The following RSPRY1 variants were observed in gnomAD, a reference collection of about 807,000 sequenced individuals.
RSPRY1 encodes the protein ring finger and SPRY domain containing 1, also known as RING finger and SPRY domain-containing protein 1.
A neutral mutation model predicts 73.1 loss-of-function variants in RSPRY1; 23 were observed. The ratio of observed to expected loss-of-function variants is 0.31; its 90% CI spans 0.23 to 0.45. The LOEUF is 0.45. Ranked by LOEUF, RSPRY1 falls within the 20% of genes least tolerant of loss-of-function variation. The pLI is 1.00. For missense variants in RSPRY1, 448 were observed against 698.7 expected, an observed-to-expected ratio of 0.64 and a Z score of 4.05; for synonymous variants, 226 against 251.4, an observed-to-expected ratio of 0.90 and a Z score of 0.95.
At position 57,204,680 on chromosome 16, in the gene RSPRY1, G is replaced by T. The variant is rs774739184; in HGVS notation, c.22G>T (p.Val8Leu). 5.6e-6 allele frequency: 9 copies of T among 1,614,062 alleles called. No individual in the cohort carries two copies. The highest frequency in any genetic ancestry group is 1.1e-5 in the South Asian group (1 of 91,078). The stretch of plus-strand genomic sequence containing the variant: ...CTAAATGATCGTCTTTGGTTGGGCC[G>T]TGTTCTTAGCGAGCAGAAGCCTTGG... MIVFGWAVFLASRSLGQG... is the reference protein window; with the variant it reads MIVFGWALFLASRSLGQG... Residue 8 changes from valine (V) to leucine (L), a missense_variant, in exon 2 of 15, where the codon GTG becomes TTG. Coordinates refer to ENST00000394420, the MANE Select transcript of RSPRY1 (RefSeq NM_133368.3).
chr16:57,227,276 C>T, intron 10 of RSPRY1, 66 bp from the exon 11 acceptor site: 1 of 1,057,766 alleles, frequency 9.5e-7, no homozygotes, highest in Non-Finnish European at 1.5e-6. Context: ...TCGTAAAAGA[C>T]ACACTCTCTG....
At chr16:57,192,136 T>C (rs2074361515) in intron 1 of RSPRY1, among the ~76,000 whole-genome samples, 1 of 152,202 alleles carries the variant, frequency 6.6e-6, no homozygotes, top group African/African-American at 2.4e-5. Context: ...CTAATAAGTA[T>C]CCAAATGAGT....
Position 57,227,416 on chromosome 16 carries a change from C to T in RSPRY1, c.1236C>T (p.Ala412=). 6.2e-7 allele frequency: 1 copy of T among 1,614,040 alleles called. No individual in the cohort carries two copies. The highest frequency in any genetic ancestry group is 8.5e-7 in the Non-Finnish European group (1 of 1,179,912). Reference sequence around the variant, plus strand: ...GCCGGCAGCTGATTTGGTACAATGCCAGAAGTAAGCCTCACATACACCCAT... The same window carrying T: ...GCCGGCAGCTGATTTGGTACAATGCTAGAAGTAAGCCTCACATACACCCAT... ...DGCRQLIWYN[A]RSKPHIHPCW... Residue 412 remains alanine, a synonymous_variant, in exon 11 of 15, where the codon GCC becomes GCT. Transcript: ENST00000394420.
intron 13 of RSPRY1, among the ~76,000 whole-genome samples, chr16:57,234,767 C>G (rs1005651270): frequency 5.3e-5 from 8 of 152,180 alleles, no homozygotes; most frequent in African/African-American, 1.9e-4. Flanking sequence ...GAGAAAGCCT[C>G]TATGCTTGTG....
At position 57,186,333 on chromosome 16, in the gene RSPRY1, G is replaced by A; in HGVS notation, c.-274G>A. The A allele has an allele frequency of 4.9e-6, 1 of 204,584 alleles. No individual in the cohort carries two copies. Among genetic ancestry groups the A allele is most frequent in the Non-Finnish European group, 8.7e-6 (1 of 115,060 alleles). 12.7% of individuals were successfully genotyped at this position (204,584 alleles called of 1,614,324 possible). A position where few individuals can be genotyped will look rare whatever the true frequency, so the allele number is the denominator to read the frequency against. On this transcript the variant is annotated 5_prime_UTR_variant, in exon 1 of 15. Transcript: ENST00000394420. Reference sequence around the variant, plus strand: ...GCGGTACGAAGCGGGGGTGGGCTCTGCGCGTAATGGCAGCGCCGTGGCCTC... The same window carrying A: ...GCGGTACGAAGCGGGGGTGGGCTCTACGCGTAATGGCAGCGCCGTGGCCTC...
chr16:57,202,709 C>T (rs1257652590), intron 1 of RSPRY1, among the ~76,000 whole-genome samples: 1 of 152,098 alleles, frequency 6.6e-6, no homozygotes, highest in African/African-American at 2.4e-5. Context: ...GAACCAAGAA[C>T]ATCTGTGGTA....
rs1354154134 is a variant in RSPRY1 at position 57,240,370 on chromosome 16, A to G, written c.*1395A>G. The G allele has an allele frequency of 6.6e-6, 1 of 151,188 alleles. No individual in the cohort carries two copies. Among genetic ancestry groups the G allele is most frequent in the Non-Finnish European group, 1.5e-5 (1 of 67,826 alleles). The allele number at this position is 151,188 out of a possible 1,614,324, so 9.4% of individuals were successfully genotyped here. ...ACACACACACACACAAAAAATATATATATATATAAATATATATGTAGGATA... is the reference window on the plus strand; with the variant it reads ...ACACACACACACACAAAAAATATATGTATATATAAATATATATGTAGGATA... On this transcript the variant is annotated 3_prime_UTR_variant, in exon 15 of 15. Transcript: ENST00000394420.
chr16:57,208,755 T>G (rs2074778912), intron 3 of RSPRY1, among the ~76,000 whole-genome samples: 1 of 152,174 alleles, frequency 6.6e-6, no homozygotes, highest in African/African-American at 2.4e-5. Flanking sequence ...CAAAGCCAAC[T>G]GCTGAGTATA....
intron 10 of RSPRY1, among the ~76,000 whole-genome samples, chr16:57,222,240 A>G (rs1260329574): frequency 6.6e-6 from 1 of 152,140 alleles, no homozygotes; most frequent in Non-Finnish European, 1.5e-5. Context: ...TGCCGGCCAT[A>G]AGTATGGTGA....
chr16:57,208,639 A>G (rs191609629), intron 3 of RSPRY1, among the ~76,000 whole-genome samples: 17 of 152,016 alleles, frequency 1.1e-4, no homozygotes, highest in African/African-American at 3.6e-4. Context: ...GGCTCAAGGG[A>G]TCCTCCTGCC....
intron 9 of RSPRY1, 64 bp downstream of exon 9, chr16:57,220,911 A>G (rs1358234643): frequency 2.5e-6 from 3 of 1,183,674 alleles, no homozygotes; most frequent in East Asian, 2.4e-5. Context: ...TAATCCTTGC[A>G]TAGCCAGTTG....
chr16:57,229,976 A>AT (rs1470262797), intron 11 of RSPRY1, among the ~76,000 whole-genome samples: 4 of 125,146 alleles, frequency 3.2e-5, no homozygotes, highest in Non-Finnish European at 6.6e-5. Context: ...AAGTGCTGGG[A>AT]TTATAGGCAT....
intron 8 of RSPRY1, 90 bp downstream of exon 8, chr16:57,217,125 T>A: frequency 1.4e-6 from 2 of 1,429,322 alleles, no homozygotes; most frequent in Non-Finnish European, 2.0e-6. Flanking sequence ...TTTGCAATGG[T>A]AAGTATGAGT....
At chr16:57,187,751 C>T (rs556614603) in intron 1 of RSPRY1, among the ~76,000 whole-genome samples, 66 of 152,162 alleles carry the variant, frequency 4.3e-4, no homozygotes, top group African/African-American at 1.6e-3. Context: ...CTGAAAGCTT[C>T]AAGGTTCACA....
At chr16:57,200,955 G>GT (rs1387995508) in intron 1 of RSPRY1, among the ~76,000 whole-genome samples, 1 of 129,426 alleles carries the variant, frequency 7.7e-6, no homozygotes, top group Non-Finnish European at 1.7e-5. Flanking sequence ...GCCGGGGGGG[G>GT]GGGGGGCTGA....
At chr16:57,199,644 G>C (rs1429526771) in intron 1 of RSPRY1, among the ~76,000 whole-genome samples, 1 of 152,100 alleles carries the variant, frequency 6.6e-6, no homozygotes, top group Non-Finnish European at 1.5e-5. Context: ...GCAGCATTTA[G>C]GTTTTAGAAA....
At chr16:57,201,162 G>T (rs571851565) in intron 1 of RSPRY1, among the ~76,000 whole-genome samples, 61 of 151,740 alleles carry the variant, frequency 4.0e-4, no homozygotes, top group Middle Eastern at 3.4e-3. Flanking sequence ...CTTCTCAGAC[G>T]GTGTGGCTGC....
intron 14 of RSPRY1, among the ~76,000 whole-genome samples, chr16:57,237,066 G>A (rs2075311099): frequency 2.0e-5 from 3 of 152,222 alleles, no homozygotes; most frequent in Admixed American, 6.5e-5. Flanking sequence ...TACTCAGGAG[G>A]CTGAGACAAA....
chr16:57,211,319 C>T (rs1465060604), intron 4 of RSPRY1, among the ~76,000 whole-genome samples: 2 of 151,728 alleles, frequency 1.3e-5, no homozygotes, highest in Admixed American at 1.3e-4. Context: ...CCTGTAATCC[C>T]AACACTTTGG....
Sources: allele counts gnomAD v4.1 joint callset (sites outside exome capture counted in the v4.1 genomes callset), GRCh38; gene constraint gnomAD v4.1.1; transcripts MANE v1.5; gene names NCBI Gene and HGNC (gene_info 2026-07-23, HGNC 2026-07-21).